Variants in WDR49 observed in about 807,000 individuals in gnomAD.
WDR49 encodes the protein cilia- and flagella-associated protein 337.
A neutral mutation model predicts 119.5 loss-of-function variants in WDR49; 107 were observed. That is an observed-to-expected ratio of 0.90 (90% CI 0.77 to 1.05). The LOEUF (loss-of-function observed/expected upper bound fraction) is 1.05. Ranked by LOEUF, WDR49 falls within the 50% of genes least tolerant of loss-of-function variation. WDR49 has a pLI of 0.00. For synonymous variants in WDR49, 425 were observed against 418.8 expected (o/e 1.01, Z -0.18); for missense variants, 1,240 against 1,220.5 (o/e 1.02, Z -0.24).
At chr3:167,579,841 C>T (rs1714445231) in intron 7 of WDR49, among the ~76,000 whole-genome samples, 1 of 151,956 alleles carries the variant, frequency 6.6e-6, no homozygotes, top group African/African-American at 2.4e-5. Flanking sequence ...TAATGATAAT[C>T]ACGTCTTCAT....
intron 10 of WDR49, among the ~76,000 whole-genome samples, chr3:167,551,988 T>C (rs557400273): frequency 1.3e-5 from 2 of 151,860 alleles, no homozygotes; most frequent in Non-Finnish European, 2.9e-5. Flanking sequence ...AGTCTTCAAA[T>C]AGGAATAAAT....
intron 16 of WDR49, among the ~76,000 whole-genome samples, chr3:167,511,609 A>AC (rs1751974967): frequency 6.6e-6 from 1 of 152,196 alleles, no homozygotes; most frequent in Non-Finnish European, 1.5e-5. Flanking sequence ...GGATCAGATC[A>AC]CCACCAGGGC....
chr3:167,569,791 G>A (rs1713825942), intron 8 of WDR49, among the ~76,000 whole-genome samples: 1 of 152,038 alleles, frequency 6.6e-6, no homozygotes, highest in Non-Finnish European at 1.5e-5. Context: ...TTTAAGAGTA[G>A]AATAGCCCTT....
chr3:167,631,563 T>C (rs1717374184), intron 2 of WDR49, among the ~76,000 whole-genome samples: 1 of 152,114 alleles, frequency 6.6e-6, no homozygotes, highest in Admixed American at 6.6e-5. Context: ...ATTAACTGTA[T>C]TTCAAGCAAA....
chr3:167,613,503 G>A (rs1465516677), intron 5 of WDR49, among the ~76,000 whole-genome samples: 1 of 152,170 alleles, frequency 6.6e-6, no homozygotes, highest in African/African-American at 2.4e-5. Context: ...GACAGTGTCT[G>A]GAAGACTGAT....
At chr3:167,512,656 C>A (rs1293008639) in intron 16 of WDR49, among the ~76,000 whole-genome samples, 1 of 152,176 alleles carries the variant, frequency 6.6e-6, no homozygotes, top group Admixed American at 6.5e-5. Flanking sequence ...GGGTAATAAA[C>A]TTCACTGAGG....
chr3:167,490,217 T>C (rs1158906618), intron 18 of WDR49, among the ~76,000 whole-genome samples: 2 of 152,176 alleles, frequency 1.3e-5, no homozygotes, highest in African/African-American at 4.8e-5. Context: ...TCTCAAATAA[T>C]GGTTGCTTGG....
chr3:167,633,119 G>A (rs1717448678), intron 2 of WDR49, among the ~76,000 whole-genome samples: 1 of 150,494 alleles, frequency 6.6e-6, no homozygotes, highest in Non-Finnish European at 1.5e-5. Flanking sequence ...GTGTGTGTGT[G>A]TAAGGTTTTG....
intron 8 of WDR49, among the ~76,000 whole-genome samples, chr3:167,574,223 G>C (rs1714109299): frequency 6.6e-6 from 1 of 152,044 alleles, no homozygotes; most frequent in Non-Finnish European, 1.5e-5. Context: ...GAGCTACTGG[G>C]GGCAAGAAAC....
At chr3:167,514,056 C>T (rs1239025182) in intron 16 of WDR49, among the ~76,000 whole-genome samples, 1 of 152,218 alleles carries the variant, frequency 6.6e-6, no homozygotes, top group Non-Finnish European at 1.5e-5. Flanking sequence ...GATATCGAGA[C>T]AGAAAGTGTA....
chr3:167,585,697 G>A (rs4274741), intron 7 of WDR49, among the ~76,000 whole-genome samples: 91,898 of 151,338 alleles, frequency 0.61, 29,993 homozygotes, highest in South Asian at 0.85. Context: ...ACACTCAAAG[G>A]ATAATATATA....
chr3:167,599,156 G>A (rs1044146932), intron 7 of WDR49, among the ~76,000 whole-genome samples: 1 of 152,152 alleles, frequency 6.6e-6, no homozygotes, highest in Non-Finnish European at 1.5e-5. Flanking sequence ...ACAACCTTGT[G>A]TCCTTCCCTT....
At chr3:167,546,319 C>T (rs768812512) in intron 10 of WDR49, among the ~76,000 whole-genome samples, 22 of 151,914 alleles carry the variant, frequency 1.4e-4, no homozygotes, top group Non-Finnish European at 2.8e-4. Flanking sequence ...TACCACTTTC[C>T]CCTCAAAACC....
intron 8 of WDR49, among the ~76,000 whole-genome samples, chr3:167,575,482 G>T (rs970816922): frequency 2.0e-5 from 3 of 152,224 alleles, no homozygotes; most frequent in African/African-American, 7.2e-5. Context: ...CTGCCACTGT[G>T]AACCACTGGT....
At chr3:167,500,436 G>A in intron 17 of WDR49, 137 bp from the exon 18 acceptor site, 1 of 1,002,058 alleles carries the variant, frequency 1.0e-6, no homozygotes, top group East Asian at 2.8e-5. Context: ...TACAGCTGCA[G>A]TGATCTGCAA....
Position 167,560,094 on chromosome 3 carries a change from A to T in WDR49, c.1644T>A (p.Leu548=). Residue 548 remains leucine (L), a synonymous_variant, in exon 9 of 19, where the codon CTT becomes CTA. Transcript: ENST00000682715. ...TMALDANETR[L]LTGSTDGTVK... ...CAGTCCCATCTGTGCTGCCAGTCAAAAGCCGAGTCTCATTTGCATCAAGGG... is the reference window on the plus strand; with the variant it reads ...CAGTCCCATCTGTGCTGCCAGTCAATAGCCGAGTCTCATTTGCATCAAGGG... 6.2e-7 allele frequency: 1 copy of T among 1,614,190 alleles called. No individual in the cohort carries two copies. The highest frequency in any genetic ancestry group is 8.5e-7 in the Non-Finnish European group (1 of 1,180,024).
At position 167,626,233 on chromosome 3, in the gene WDR49, G is replaced by A. The variant is rs561829311; in HGVS notation, c.606+619C>T. On this transcript the variant is annotated intron_variant, in intron 3 of 18. Transcript: ENST00000682715. The stretch of plus-strand genomic sequence containing the variant: ...AGGTATAGATGAAACAAGATTAGCC[G>A]TGAATTGAAAATGATTGAATACTAG... Among the ~76,000 whole-genome samples, 11 of 152,042 alleles carry A rather than the reference G, an allele frequency of 7.2e-5. No individual in the cohort carries two copies. The East Asian group carries it at 7.8e-4, about 11-fold the overall frequency.
intron 5 of WDR49, among the ~76,000 whole-genome samples, chr3:167,616,917 A>C (rs1716623206): frequency 6.6e-6 from 1 of 152,222 alleles, no homozygotes; most frequent in African/African-American, 2.4e-5. Context: ...AGGACGTTTT[A>C]ATTTCCATTT....
chr3:167,488,817 C>T (rs1429886672), intron 18 of WDR49, among the ~76,000 whole-genome samples: 2 of 152,220 alleles, frequency 1.3e-5, no homozygotes, highest in East Asian at 1.9e-4. Flanking sequence ...CCTGAGCCCC[C>T]TCTAATCTCA....
Sources: gnomAD v4.1 joint callset for allele counts (sites outside exome capture counted in the v4.1 genomes callset) on GRCh38, gnomAD v4.1.1 for gene constraint, MANE v1.5 for transcripts, NCBI Gene and HGNC (gene_info 2026-07-23, HGNC 2026-07-21) for gene names.